Variants in IL17RD observed in about 807,000 individuals in gnomAD.
IL17RD encodes the protein interleukin 17 receptor D.
A neutral mutation model predicts 80.5 loss-of-function variants in IL17RD; 52 were observed. The observed-to-expected ratio is 0.65, with a 90% CI of 0.52 to 0.81. IL17RD has a LOEUF of 0.81. IL17RD is among the 40% of genes least tolerant of loss of function. The pLI, the probability that IL17RD is intolerant of heterozygous loss-of-function variation, is 0.00. For missense variants in IL17RD, 1,024 were observed against 955.1 expected (o/e 1.07, Z -0.95); for synonymous variants, 416 against 391.8 (o/e 1.06, Z -0.73).
At chr3:57,157,356 T>A (rs981709614) in intron 1 of IL17RD, among the ~76,000 whole-genome samples, 1 of 152,022 alleles carries the variant, frequency 6.6e-6, no homozygotes, top group Non-Finnish European at 1.5e-5. Context: ...GGCCCCAGAA[T>A]CTCTTCCTGA....
Position 57,114,817 on chromosome 3 carries a change from T to A in IL17RD, c.185A>T (p.Asn62Ile). 1 of 1,580,330 alleles carries A rather than the reference T, an allele frequency of 6.3e-7. No homozygotes were observed. The highest frequency in any genetic ancestry group is 8.6e-7 in the Non-Finnish European group (1 of 1,166,792). Reference sequence around the variant, plus strand: ...CACTGGATTCAAGTAGGTGGTACAATCTAGAGAGTAGGGAGAATGAGAACA... The same window carrying A: ...CACTGGATTCAAGTAGGTGGTACAAACTAGAGAGTAGGGAGAATGAGAACA... ...GLYNITFKYDNCTTYLNPVGK... is the reference protein window; with the variant it reads ...GLYNITFKYDICTTYLNPVGK... The change falls in exon 3 of 13, where the codon AAT becomes ATT. Residue 62 changes from asparagine to isoleucine, a missense_variant and splice_region_variant. Physicochemically the swap from Asn to Ile is moderately radical, Grantham distance 149. Coordinates refer to ENST00000296318, the MANE Select transcript of IL17RD (RefSeq NM_017563.5).
At chr3:57,113,233 T>A (rs894123036) in intron 3 of IL17RD, among the ~76,000 whole-genome samples, 2 of 152,168 alleles carry the variant, frequency 1.3e-5, no homozygotes, top group African/African-American at 2.4e-5. Context: ...TTCTTTTGTT[T>A]TTTATTTATT....
chr3:57,116,851 C>T (rs773563934), intron 2 of IL17RD, among the ~76,000 whole-genome samples: 8 of 149,280 alleles, frequency 5.4e-5, no homozygotes, highest in Non-Finnish European at 8.9e-5. Flanking sequence ...AGGTATTCAG[C>T]CTGTAAAAAT....
intron 1 of IL17RD, among the ~76,000 whole-genome samples, chr3:57,127,283 T>TAAATAA: frequency 1.5e-5 from 1 of 64,706 alleles, no homozygotes; most frequent in East Asian, 6.4e-4. Flanking sequence ...AAAATATATA[T>TAAATAA]AAATATATAT....
intron 1 of IL17RD, among the ~76,000 whole-genome samples, chr3:57,135,921 T>C (rs1036411810): frequency 6.6e-6 from 1 of 152,196 alleles, no homozygotes; most frequent in Non-Finnish European, 1.5e-5. Context: ...TATACACACG[T>C]TGATACGCTG....
chr3:57,131,483 A>G (rs1707607977), intron 1 of IL17RD, among the ~76,000 whole-genome samples: 1 of 152,214 alleles, frequency 6.6e-6, no homozygotes, highest in Non-Finnish European at 1.5e-5. Flanking sequence ...TCATGTGTTC[A>G]TGGACTGAAG....
intron 1 of IL17RD, among the ~76,000 whole-genome samples, chr3:57,136,641 C>CAAA (rs59941543): frequency 1.1e-3 from 55 of 48,092 alleles, no homozygotes; most frequent in African/African-American, 1.4e-3. Context: ...AACCCCCACT[C>CAAA]AAAAAAAAAA....
At chr3:57,127,654 G>A (rs997630877) in intron 1 of IL17RD, among the ~76,000 whole-genome samples, 56 of 151,740 alleles carry the variant, frequency 3.7e-4, no homozygotes, top group African/African-American at 1.3e-3. Flanking sequence ...AGATCTGCCC[G>A]CCTTGGCCTC....
intron 2 of IL17RD, among the ~76,000 whole-genome samples, chr3:57,118,073 C>T (rs569046905): frequency 3.2e-4 from 48 of 152,284 alleles, no homozygotes; most frequent in Admixed American, 2.9e-3. Flanking sequence ...TTGTTTGCAG[C>T]TGACGGGAAA....
chr3:57,134,222 C>T, intron 1 of IL17RD: 1 of 690,292 alleles, frequency 1.4e-6, no homozygotes. Flanking sequence ...CCAATAAGAC[C>T]AATGAAATCG....
At chr3:57,122,042 G>A (rs1707352793) in intron 1 of IL17RD, among the ~76,000 whole-genome samples, 1 of 152,218 alleles carries the variant, frequency 6.6e-6, no homozygotes, top group African/African-American at 2.4e-5. Flanking sequence ...TAGGCATGCA[G>A]ATAAATTTCA....
At chr3:57,107,101 G>A (rs145764174) in intron 5 of IL17RD, among the ~76,000 whole-genome samples, 3 of 152,224 alleles carry the variant, frequency 2.0e-5, no homozygotes, top group East Asian at 1.9e-4. Flanking sequence ...TATGAGGGCC[G>A]GGCGCGGTGG....
chr3:57,127,305 A>AATATATAT (rs1707497980), intron 1 of IL17RD, among the ~76,000 whole-genome samples: 8 of 68,622 alleles, frequency 1.2e-4, no homozygotes, highest in Admixed American at 2.3e-4. Context: ...AATATATATA[A>AATATATAT]AAATATATAA....
In IL17RD at chr3:57,127,338, A is replaced by AT. The variant is rs1559477158; in HGVS notation, c.127-7026_127-7025insA. Among the ~76,000 whole-genome samples, 50 of 87,170 alleles carry AT rather than the reference A, an allele frequency of 5.7e-4. 2 individuals are homozygous for AT. The highest frequency in any genetic ancestry group is 3.4e-3 in the African/African-American group (48 of 14,224). The allele number at this position is 87,170 out of a possible 152,430, so 57.2% of individuals were successfully genotyped here. On this transcript the variant is annotated intron_variant, in intron 1 of 12. Transcript: ENST00000296318. ...TAAAAATATATATAAATATATATAA[A>AT]AATATATATAAATATATATAAATAT... is the stretch of plus-strand genomic sequence containing the variant.
rs567966264 is a variant in IL17RD, at chr3:57,103,005, T to C, written c.868+86A>G. The C allele has an allele frequency of 8.3e-5, 80 of 969,522 alleles. No individual in the cohort carries two copies. In the Admixed American group the frequency reaches 1.7e-3, roughly 20 times the overall value. The allele number at this position is 969,522 out of a possible 1,614,324, so 60.1% of individuals were successfully genotyped here. A position where few individuals can be genotyped will look rare whatever the true frequency, so the allele number is the denominator to read the frequency against. On this transcript the variant is annotated intron_variant, in intron 9 of 12. Coordinates refer to ENST00000296318, the MANE Select transcript of IL17RD (RefSeq NM_017563.5). ...GAGAGAGGAGCCAAATTTTGTTTTG[T>C]TTCTGTAAATCATGAAGTACAGAGA...
chr3:57,134,416 C>A, intron 1 of IL17RD: 1 of 734,434 alleles, frequency 1.4e-6, no homozygotes, highest in Non-Finnish European at 2.5e-6. Context: ...GGGAACGTAA[C>A]TTGGATGAGG....
chr3:57,118,293 A>G (rs1707260803), intron 2 of IL17RD, among the ~76,000 whole-genome samples: 1 of 152,216 alleles, frequency 6.6e-6, no homozygotes, highest in Admixed American at 6.5e-5. Flanking sequence ...TGCACGTGTA[A>G]GTCCTCACTG....
intron 1 of IL17RD, among the ~76,000 whole-genome samples, chr3:57,133,015 A>C (rs1166449112): frequency 6.6e-6 from 1 of 152,182 alleles, no homozygotes; most frequent in Non-Finnish European, 1.5e-5. Context: ...TAAAATTCCA[A>C]CTTTCCAAAA....
intron 1 of IL17RD, among the ~76,000 whole-genome samples, chr3:57,127,276 AT>A (rs1707491972): frequency 1.2e-5 from 1 of 82,356 alleles, no homozygotes; most frequent in Non-Finnish European, 2.2e-5. Flanking sequence ...ATATATAAAA[AT>A]ATATATAAAT....
Sources: allele counts gnomAD v4.1 joint callset (sites outside exome capture counted in the v4.1 genomes callset), GRCh38; gene constraint gnomAD v4.1.1; transcripts MANE v1.5; gene names NCBI Gene and HGNC (gene_info 2026-07-23, HGNC 2026-07-21).